Variants in EHBP1 observed in about 807,000 individuals in gnomAD.
The protein encoded by EHBP1 is EH domain binding protein 1.
In EHBP1, 55 loss-of-function variants were observed where a neutral mutation model predicts 144.0. The ratio of observed to expected loss-of-function variants is 0.38; its 90% CI spans 0.31 to 0.48. The LOEUF (loss-of-function observed/expected upper bound fraction) is 0.48, where lower values mean the gene tolerates loss of function less well. EHBP1 is among the 20% of genes least tolerant of loss of function. The pLI is 0.98. For synonymous variants in EHBP1, 469 were observed against 472.7 expected (o/e 0.99, Z 0.10); for missense variants, 1,200 against 1,364.2 (o/e 0.88, Z 1.90).
At chr2:62,758,111 A>T (rs1306579488) in intron 3 of EHBP1, among the ~76,000 whole-genome samples, 4 of 152,020 alleles carry the variant, frequency 2.6e-5, no homozygotes, top group African/African-American at 9.7e-5. Flanking sequence ...CTCATTATAG[A>T]ATCTTTGTTT....
intron 2 of EHBP1, among the ~76,000 whole-genome samples, chr2:62,747,025 C>CT (rs1190816042): frequency 6.6e-6 from 1 of 151,986 alleles, no homozygotes; most frequent in African/African-American, 2.4e-5. Context: ...TGCAAGTGCC[C>CT]TTTTTATGCT....
At chr2:62,756,115 A>G (rs996308659) in intron 3 of EHBP1, among the ~76,000 whole-genome samples, 2 of 152,042 alleles carry the variant, frequency 1.3e-5, no homozygotes, top group East Asian at 1.9e-4. Context: ...CTCTACAAAA[A>G]AAAAAAAAAA....
chr2:62,949,888 A>G (rs2057287053), intron 13 of EHBP1, among the ~76,000 whole-genome samples: 1 of 152,158 alleles, frequency 6.6e-6, no homozygotes, highest in Admixed American at 6.5e-5. Flanking sequence ...TACCACAACA[A>G]AAAAGAACAA....
intron 7 of EHBP1, among the ~76,000 whole-genome samples, chr2:62,840,714 A>G (rs1164938484): frequency 6.6e-6 from 1 of 151,314 alleles, no homozygotes; most frequent in Non-Finnish European, 1.5e-5. Flanking sequence ...GAAGACATTT[A>G]TGCAGCCAAA....
chr2:62,707,784 T>C (rs2034744537), intron 2 of EHBP1, among the ~76,000 whole-genome samples: 1 of 152,210 alleles, frequency 6.6e-6, no homozygotes. Flanking sequence ...TTTTTCATTA[T>C]TTGATTAATG....
chr2:62,980,770 G>A (rs751941313), intron 15 of EHBP1, among the ~76,000 whole-genome samples: 10 of 151,306 alleles, frequency 6.6e-5, no homozygotes, highest in Non-Finnish European at 1.5e-4. Context: ...CTTGAACCCA[G>A]GAGTTCGAGA....
At chr2:63,044,168 G>T (rs2061819075) in intron 21 of EHBP1, 1 of 145,572 alleles carries the variant, frequency 6.9e-6, no homozygotes, top group Non-Finnish European at 1.5e-5. Flanking sequence ...GTTCGATTTG[G>T]TCCTGTTTCT....
intron 10 of EHBP1, among the ~76,000 whole-genome samples, chr2:62,887,891 A>C (rs754580589): frequency 6.6e-6 from 1 of 152,198 alleles, no homozygotes; most frequent in African/African-American, 2.4e-5. Context: ...TTTTTCTTCA[A>C]GGTCATTGCT....
At chr2:62,830,165 C>T (rs1354884197) in intron 6 of EHBP1, among the ~76,000 whole-genome samples, 2 of 92,654 alleles carry the variant, frequency 2.2e-5, no homozygotes, top group Non-Finnish European at 4.5e-5. Context: ...CACACACACA[C>T]ACACACACAC....
chr2:62,880,014 C>T (rs1273721720), intron 10 of EHBP1, among the ~76,000 whole-genome samples: 1 of 151,606 alleles, frequency 6.6e-6, no homozygotes, highest in African/African-American at 2.4e-5. Flanking sequence ...TACTGGTAGA[C>T]GCACAGACCA....
At chr2:62,797,639 T>G (rs1357469677) in intron 5 of EHBP1, among the ~76,000 whole-genome samples, 1 of 152,184 alleles carries the variant, frequency 6.6e-6, no homozygotes, top group Non-Finnish European at 1.5e-5. Flanking sequence ...TGCCTGTTAA[T>G]TGTGGATGGA....
Position 62,685,448 on chromosome 2 carries a change from C to T in EHBP1, c.-296+11365C>T, listed in dbSNP as rs147644455. ...GGTTTGATGGCTGATAGAAACAACA[C>T]CCAAGTCTGTGCCTTCATCTTCACA... On this transcript the variant is annotated intron_variant, in intron 1 of 22. Coordinates refer to the EHBP1 transcript ENST00000405015. 1.5e-3 allele frequency among the ~76,000 whole-genome samples: 225 copies of T among 152,124 alleles called. 1 individual carries two copies. The highest frequency in any genetic ancestry group is 5.3e-3 in the African/African-American group (218 of 41,494).
At chr2:62,680,324 T>C (rs1005054813) in intron 1 of EHBP1, among the ~76,000 whole-genome samples, 4 of 152,228 alleles carry the variant, frequency 2.6e-5, no homozygotes, top group Non-Finnish European at 4.4e-5. Flanking sequence ...CTCAAGTTAT[T>C]GAATCTAAAG....
intron 12 of EHBP1, 152 bp from the exon 13 acceptor site, chr2:62,948,108 A>C: frequency 2.0e-6 from 1 of 494,764 alleles, no homozygotes; most frequent in Non-Finnish European, 3.2e-6. Flanking sequence ...CCCCACTTTT[A>C]CACATGTCTG....
At chr2:62,685,781 T>C (rs911874937) in intron 1 of EHBP1, among the ~76,000 whole-genome samples, 1 of 152,044 alleles carries the variant, frequency 6.6e-6, no homozygotes, top group African/African-American at 2.4e-5. Flanking sequence ...ATTACAGTGA[T>C]TGGGGGTTGG....
intron 14 of EHBP1, among the ~76,000 whole-genome samples, chr2:62,970,489 T>C (rs1004664382): frequency 6.6e-6 from 1 of 152,162 alleles, no homozygotes; most frequent in African/African-American, 2.4e-5. Context: ...TTTGAAATAA[T>C]ATGTTTTTAA....
In EHBP1 at chr2:62,677,315, T is replaced by TC. The variant is rs368275597; in HGVS notation, c.-296+3239dup. 1.9e-3 allele frequency among the ~76,000 whole-genome samples: 285 copies of TC among 152,132 alleles called. 3 individuals are homozygous for TC. Among genetic ancestry groups the TC allele is most frequent in the African/African-American group, 6.1e-3 (254 of 41,518 alleles). ...AGTAAAAGTAATATTCATTGCCATT[T>TC]CCCCCCCAAGCATGTTGGTTTTAAA... On this transcript the variant is annotated intron_variant, in intron 1 of 22. Coordinates refer to the EHBP1 transcript ENST00000405015.
chr2:62,862,722 C>A (rs926096203), intron 8 of EHBP1, among the ~76,000 whole-genome samples: 1 of 152,142 alleles, frequency 6.6e-6, no homozygotes, highest in African/African-American at 2.4e-5. Flanking sequence ...TTGAGAATTT[C>A]AATAATCAAT....
intron 10 of EHBP1, among the ~76,000 whole-genome samples, chr2:62,918,325 A>G (rs2054806661): frequency 2.0e-5 from 3 of 152,230 alleles, no homozygotes; most frequent in Admixed American, 2.0e-4. Context: ...CTGCTGGTCC[A>G]AATGAGGCAC....
Sources: gnomAD v4.1 joint callset for allele counts (sites outside exome capture counted in the v4.1 genomes callset) on GRCh38, gnomAD v4.1.1 for gene constraint, MANE v1.5 for transcripts, NCBI Gene and HGNC (gene_info 2026-07-23, HGNC 2026-07-21) for gene names.